DYSF: variants seen among roughly 807,000 people sequenced by gnomAD.
DYSF encodes the protein dysferlin.
Under a neutral mutation model 274.9 loss-of-function variants are expected in DYSF, and 212 were observed. The observed-to-expected ratio is 0.77, with a 90% CI of 0.69 to 0.86. DYSF has a LOEUF of 0.86. DYSF is among the 40% of genes least tolerant of loss of function. The probability of loss-of-function intolerance (pLI) is 0.00; values close to 1 mark genes in which losing one functional copy is unlikely to be tolerated. For missense variants in DYSF, 2,666 were observed against 2,783.2 expected (o/e 0.96, Z 0.95); for synonymous variants, 1,091 against 1,078.7 (o/e 1.01, Z -0.22).
Position 71,495,571 on chromosome 2 carries a change from C to G in DYSF, c.240-7643C>G, listed in dbSNP as rs541078857. Among the ~76,000 whole-genome samples the G allele has an allele frequency of 2.2e-3, 339 of 152,308 alleles. 2 individuals are homozygous for G. The highest frequency in any genetic ancestry group is 7.7e-3 in the African/African-American group (321 of 41,572). On this transcript the variant is annotated intron_variant, in intron 3 of 55. Transcript: ENST00000410020. ...GAACAGGAGCTATGTGGCCTGCCAG[C>G]CTTTCTGGATCACTTTCCTTTGGGG...
rs1352834979 is a variant in DYSF at position 71,616,765 on chromosome 2, C to T, written c.4464+3355C>T. Among the ~76,000 whole-genome samples, 5 of 152,040 alleles carry T rather than the reference C, an allele frequency of 3.3e-5. No individual in the cohort carries two copies. In the South Asian group the frequency reaches 8.3e-4, roughly 25 times the overall value. Reference sequence around the variant, plus strand: ...AAAATAATGAAAAAATAGGGCTTACCTCCATCCAAACACACAATTTGAATG... The same window carrying T: ...AAAATAATGAAAAAATAGGGCTTACTTCCATCCAAACACACAATTTGAATG... On this transcript the variant is annotated intron_variant, in intron 40 of 55. Transcript: ENST00000410020.
chr2:71,472,185 G>C (rs905367532), intron 1 of DYSF, among the ~76,000 whole-genome samples: 1 of 152,104 alleles, frequency 6.6e-6, no homozygotes, highest in Non-Finnish European at 1.5e-5. Flanking sequence ...GCATATTCTG[G>C]TGACTACATC....
At chr2:71,480,264 T>C (rs948948624) in intron 1 of DYSF, among the ~76,000 whole-genome samples, 3 of 152,232 alleles carry the variant, frequency 2.0e-5, no homozygotes, top group Admixed American at 2.0e-4. Context: ...CTGGATGTGG[T>C]GGCTCACATT....
chr2:71,476,391 A>G (rs2082393506), intron 1 of DYSF, among the ~76,000 whole-genome samples: 1 of 152,086 alleles, frequency 6.6e-6, no homozygotes, highest in African/African-American at 2.4e-5. Context: ...AAATACAAAA[A>G]TTAGCCAAGC....
intron 5 of DYSF, among the ~76,000 whole-genome samples, chr2:71,512,944 G>A (rs896715191): frequency 6.6e-6 from 1 of 152,128 alleles, no homozygotes; most frequent in Non-Finnish European, 1.5e-5. Context: ...AGGGGAGGAA[G>A]GAGAGGTGCC....
chr2:71,550,160 T>A (rs1005651221), intron 17 of DYSF, among the ~76,000 whole-genome samples: 1 of 152,258 alleles, frequency 6.6e-6, no homozygotes, highest in Non-Finnish European at 1.5e-5. Flanking sequence ...TGGCCCTGCT[T>A]TCTACCTTTG....
At chr2:71,600,933 A>G in intron 34 of DYSF, 91 bp downstream of exon 34, 1 of 1,564,230 alleles carries the variant, frequency 6.4e-7, no homozygotes, top group Non-Finnish European at 8.7e-7. Flanking sequence ...CCTCCTCTGA[A>G]GCCAGGCCTC....
chr2:71,479,904 G>A lies in DYSF; in HGVS notation c.92-979G>A, dbSNP rs185604083. ...GGGTGAAGTGGATTTTGTTTAAATG[G>A]AAATAAAATTAACATATCATAAAAT... On this transcript the variant is annotated intron_variant, in intron 1 of 55. Transcript: ENST00000410020. 6.6e-5 allele frequency among the ~76,000 whole-genome samples: 10 copies of A among 152,262 alleles called. No individual in the cohort carries two copies. The East Asian group carries it at 1.9e-3, about 29-fold the overall frequency.
chr2:71,465,261 T>C (rs1436720429), upstream of DYSF, among the ~76,000 whole-genome samples: 1 of 152,100 alleles, frequency 6.6e-6, no homozygotes, highest in African/African-American at 2.4e-5. Flanking sequence ...TGTCCAGTTG[T>C]TACCAGTGGG....
chr2:71,579,466 G>A (rs763906268), intron 30 of DYSF, among the ~76,000 whole-genome samples: 1 of 152,182 alleles, frequency 6.6e-6, no homozygotes, highest in Non-Finnish European at 1.5e-5. Flanking sequence ...TGGATGGAAA[G>A]TTGTGCATGT....
Position 71,553,217 on chromosome 2 carries a change from G to A in DYSF, c.1984+29G>A, listed in dbSNP as rs773754896. 12 of 1,613,420 alleles carry A rather than the reference G, an allele frequency of 7.4e-6. 1 individual carries two copies. The South Asian group carries it at 7.7e-5, about 10-fold the overall frequency. ...AGGCAGTGCTCCTGGCTGGGACCCC[G>A]ATCACAGGATCATAGAGCAGGGGGC... is the stretch of plus-strand genomic sequence containing the variant. On this transcript the variant is annotated intron_variant, in intron 20 of 55. Coordinates refer to ENST00000410020, the MANE Select transcript of DYSF (RefSeq NM_001130987.2).
chr2:71,569,929 G>C lies in DYSF; in HGVS notation c.2974G>C (p.Asp992His), dbSNP rs200422222. ...QWIYMSDNYTDVNGEKVLPKD... is the reference protein window; with the variant it reads ...QWIYMSDNYTHVNGEKVLPKD... ...GATCTACATGAGTGACAACTACACC[G>C]ATGTGGTAAAGCAGGCACTCAGGGG... Residue 992 changes from aspartate to histidine, a missense_variant, in exon 27 of 56, where the codon GAT becomes CAT. Physicochemically the swap from Asp to His is moderately conservative, Grantham distance 81. Coordinates refer to ENST00000410020, the MANE Select transcript of DYSF (RefSeq NM_001130987.2). The C allele has an allele frequency of 1.2e-6, 2 of 1,613,810 alleles. No homozygotes were observed. Among genetic ancestry groups the C allele is most frequent in the African/African-American group, 1.3e-5 (1 of 75,046 alleles).
At chr2:71,614,802 T>C (rs573080800) in intron 40 of DYSF, among the ~76,000 whole-genome samples, 162 of 152,346 alleles carry the variant, frequency 1.1e-3, no homozygotes, top group African/African-American at 3.3e-3. Context: ...GGACGAATTT[T>C]CTGGCTACTG....
chr2:71,530,279 C>T (rs139166737), intron 14 of DYSF, among the ~76,000 whole-genome samples: 2 of 152,186 alleles, frequency 1.3e-5, no homozygotes, highest in Admixed American at 6.5e-5. Context: ...GGGGAATTCA[C>T]GTCCTGAGAT....
At chr2:71,674,014 C>T (rs1292726745) in intron 51 of DYSF, among the ~76,000 whole-genome samples, 183 bp from the exon 52 acceptor site, 1 of 152,094 alleles carries the variant, frequency 6.6e-6, no homozygotes, top group Non-Finnish European at 1.5e-5. Context: ...CCCTTTTGGG[C>T]CCTTGAACAC....
intron 32 of DYSF, among the ~76,000 whole-genome samples, chr2:71,593,009 A>G (rs2093312636): frequency 6.6e-6 from 1 of 152,004 alleles, no homozygotes; most frequent in Non-Finnish European, 1.5e-5. Context: ...TGGGATATCA[A>G]TTCTCTGGAC....
intron 14 of DYSF, among the ~76,000 whole-genome samples, chr2:71,531,079 C>CT (rs147525013): frequency 0.038 from 5,617 of 149,294 alleles, 131 homozygotes; most frequent in Non-Finnish European, 0.054. Flanking sequence ...TTTAAAACAA[C>CT]TTTTTTTTTT....
At chr2:71,483,154 C>A (rs1391035392) in intron 3 of DYSF, among the ~76,000 whole-genome samples, 1 of 152,146 alleles carries the variant, frequency 6.6e-6, no homozygotes, top group Non-Finnish European at 1.5e-5. Context: ...GGGTGGGGCA[C>A]TTTCACTGGG....
In DYSF at chr2:71,480,925, CT is replaced by C; in HGVS notation, c.135del (p.Val46TyrfsTer106). The C allele has an allele frequency of 3.1e-6, 5 of 1,614,178 alleles. No individual in the cohort carries two copies. Among genetic ancestry groups the C allele is most frequent in the Non-Finnish European group, 4.2e-6 (5 of 1,179,976 alleles). On this transcript the variant is annotated frameshift_variant, in exon 2 of 56. Coordinates refer to ENST00000410020, the MANE Select transcript of DYSF (RefSeq NM_001130987.2). LOFTEE classifies it high-confidence loss of function. The stretch of plus-strand genomic sequence containing the variant: ...AAAGTCATCAAGAACAGCGTGAACC[CT>C]GTATGGAATGAGGTATGTGAGTTTT... ...RTKVIKNSVNPVWNEGFEWDL... is the reference protein window; with the variant it reads ...RTKVIKNSVNXVWNEGFEWDL...
Sources: allele counts gnomAD v4.1 joint callset (sites outside exome capture counted in the v4.1 genomes callset), GRCh38; gene constraint gnomAD v4.1.1; transcripts MANE v1.5; gene names NCBI Gene and HGNC (gene_info 2026-07-23, HGNC 2026-07-21).